Variants in ANKIB1 observed in about 807,000 individuals in gnomAD.
ANKIB1 encodes ankyrin repeat and IBR domain containing 1.
A neutral mutation model predicts 122.1 loss-of-function variants in ANKIB1; 43 were observed. The ratio of observed to expected loss-of-function variants is 0.35; its 90% CI spans 0.28 to 0.45. ANKIB1 has a LOEUF of 0.45. Ranked by LOEUF, ANKIB1 falls within the 20% of genes least tolerant of loss-of-function variation. The probability of loss-of-function intolerance (pLI) is 1.00; values close to 1 mark genes in which losing one functional copy is unlikely to be tolerated. For missense variants in ANKIB1, 992 were observed against 1,329.5 expected, an observed-to-expected ratio of 0.75 and a Z score of 3.95; for synonymous variants, 390 against 442.0, an observed-to-expected ratio of 0.88 and a Z score of 1.48.
intron 11 of ANKIB1, among the ~76,000 whole-genome samples, chr7:92,384,888 G>T (rs920144687): frequency 6.6e-6 from 1 of 152,110 alleles, no homozygotes; most frequent in Non-Finnish European, 1.5e-5. Flanking sequence ...AGAAACATGG[G>T]ATCTGATTAA....
intron 1 of ANKIB1, among the ~76,000 whole-genome samples, chr7:92,258,893 G>T (rs190871874): frequency 6.6e-5 from 10 of 152,222 alleles, no homozygotes; most frequent in Admixed American, 3.3e-4. Flanking sequence ...GATGGAAGTA[G>T]CATCAACCAC....
chr7:92,355,950 T>A (rs1803800968), intron 9 of ANKIB1, among the ~76,000 whole-genome samples: 1 of 151,744 alleles, frequency 6.6e-6, no homozygotes, highest in Non-Finnish European at 1.5e-5. Flanking sequence ...TTACTGAAAC[T>A]GTGCAAAAAA....
chr7:92,362,909 C>T (rs1585126480), intron 10 of ANKIB1, among the ~76,000 whole-genome samples: 2 of 124,888 alleles, frequency 1.6e-5, no homozygotes, highest in East Asian at 9.5e-4. Context: ...TGAGGGGACT[C>T]CTTTTTAAAG....
chr7:92,352,210 T>C (rs893300461), intron 8 of ANKIB1, among the ~76,000 whole-genome samples: 1 of 152,218 alleles, frequency 6.6e-6, no homozygotes, highest in African/African-American at 2.4e-5. Context: ...CATTTTTGCT[T>C]TATCATCATT....
Position 92,343,225 on chromosome 7 carries a change from C to A in ANKIB1, c.989C>A (p.Thr330Asn), listed in dbSNP as rs983591478. Residue 330 changes from threonine to asparagine, a missense_variant, in exon 6 of 20, where the codon ACC becomes AAC. Around this residue, in one of 4 missense-constraint regions of ANKIB1, gnomAD observed 521 missense variants for 777.7 expected, o/e 0.67. Transcript: ENST00000265742. ...AGCTTATCTCCTGGGGATTTAGACA[C>A]CAGTTTGGTATGGTTTGGTATTCAC... ...EISLSPGDLD[T>N]SLCDICMCSI... The A allele has an allele frequency of 6.2e-7, 1 of 1,613,292 alleles. No individual in the cohort carries two copies. The highest frequency in any genetic ancestry group is 8.5e-7 in the Non-Finnish European group (1 of 1,179,456).
chr7:92,268,370 C>T (rs1005649637), intron 1 of ANKIB1, among the ~76,000 whole-genome samples: 2 of 152,076 alleles, frequency 1.3e-5, no homozygotes, highest in African/African-American at 4.8e-5. Context: ...ATTTCTAGCC[C>T]CTTGATCTTT....
At chr7:92,354,260 A>C (rs1467320639) in intron 9 of ANKIB1, among the ~76,000 whole-genome samples, 1 of 152,206 alleles carries the variant, frequency 6.6e-6, no homozygotes, top group Non-Finnish European at 1.5e-5. Context: ...TAACATTTGG[A>C]GAAATACATC....
At chr7:92,372,162 A>C (rs1364453566) in intron 11 of ANKIB1, among the ~76,000 whole-genome samples, 3 of 152,138 alleles carry the variant, frequency 2.0e-5, no homozygotes, top group African/African-American at 7.2e-5. Flanking sequence ...TGGGTTTCAT[A>C]GTGTTGGGTT....
intron 1 of ANKIB1, among the ~76,000 whole-genome samples, chr7:92,251,036 C>G (rs1406778478): frequency 6.6e-6 from 1 of 152,172 alleles, no homozygotes; most frequent in Non-Finnish European, 1.5e-5. Flanking sequence ...ATTTTTCTGT[C>G]TTCAGTCTGA....
At chr7:92,332,739 C>G (rs1803195895) in intron 5 of ANKIB1, among the ~76,000 whole-genome samples, 1 of 152,182 alleles carries the variant, frequency 6.6e-6, no homozygotes, top group Admixed American at 6.5e-5. Context: ...ATCTTCTCTT[C>G]TCATTCTGTT....
At chr7:92,334,169 A>C (rs1803237431) in intron 5 of ANKIB1, among the ~76,000 whole-genome samples, 1 of 152,134 alleles carries the variant, frequency 6.6e-6, no homozygotes, top group Admixed American at 6.5e-5. Flanking sequence ...AATAGTACTT[A>C]ATGCTGTTAT....
At chr7:92,314,840 G>A (rs1309420051) in intron 3 of ANKIB1, among the ~76,000 whole-genome samples, 2 of 152,136 alleles carry the variant, frequency 1.3e-5, no homozygotes, top group Non-Finnish European at 2.9e-5. Context: ...TGTATTAGAA[G>A]GAGTGATAGG....
intron 17 of ANKIB1, among the ~76,000 whole-genome samples, chr7:92,393,884 T>C (rs1804835898): frequency 6.6e-6 from 1 of 152,152 alleles, no homozygotes; most frequent in Admixed American, 6.6e-5. Flanking sequence ...TTTTGAAAAA[T>C]AGCTCTTTGC....
intron 6 of ANKIB1, among the ~76,000 whole-genome samples, chr7:92,344,193 G>GTTTTTTTTTTTTTTTTTTTTT (rs67933063): frequency 1.0e-5 from 1 of 97,676 alleles, no homozygotes; most frequent in Non-Finnish European, 2.0e-5. Flanking sequence ...TGTGTTTTTG[G>GTTTTTTTTTTTTTTTTTTTTT]TTTTTTTTTT....
chr7:92,393,948 C>G (rs1233633069), intron 17 of ANKIB1, among the ~76,000 whole-genome samples: 1 of 152,008 alleles, frequency 6.6e-6, no homozygotes. Context: ...TTAGATTGAA[C>G]TTATATTTTT....
At chr7:92,351,425 A>G (rs977931280) in intron 8 of ANKIB1, among the ~76,000 whole-genome samples, 13 of 152,192 alleles carry the variant, frequency 8.5e-5, no homozygotes, top group Non-Finnish European at 1.8e-4. Flanking sequence ...GATTTTACCT[A>G]CTTTAAGTTT....
intron 5 of ANKIB1, among the ~76,000 whole-genome samples, chr7:92,338,480 G>T (rs778717599): frequency 2.1e-5 from 3 of 141,994 alleles, no homozygotes; most frequent in Non-Finnish European, 4.4e-5. Context: ...TTAAATGTTT[G>T]AGTTATGTGT....
chr7:92,386,924 G>T (rs972734133), intron 12 of ANKIB1, among the ~76,000 whole-genome samples: 2 of 151,950 alleles, frequency 1.3e-5, no homozygotes, highest in Non-Finnish European at 2.9e-5. Context: ...TATCAACAAT[G>T]CAGTATTACA....
intron 1 of ANKIB1, among the ~76,000 whole-genome samples, chr7:92,283,605 C>T (rs889181386): frequency 6.6e-6 from 1 of 152,076 alleles, no homozygotes; most frequent in Non-Finnish European, 1.5e-5. Flanking sequence ...TTAGTACAGT[C>T]ATGTGCCACA....
Sources: allele counts gnomAD v4.1 joint callset (sites outside exome capture counted in the v4.1 genomes callset), GRCh38; gene constraint gnomAD v4.1.1; regional missense constraint gnomAD v4.1.1; transcripts MANE v1.5; gene names NCBI Gene and HGNC (gene_info 2026-07-23, HGNC 2026-07-21).